Variants in FER1L6 observed in about 807,000 individuals in gnomAD.
FER1L6 encodes fer-1-like protein 6.
FER1L6 carries 177 observed loss-of-function variants against 219.2 expected under a neutral mutation model. That is an observed-to-expected ratio of 0.81 (90% CI 0.71 to 0.91). FER1L6 has a LOEUF of 0.91. FER1L6 is among the 40% of genes least tolerant of loss of function. The probability of loss-of-function intolerance (pLI) is 0.00; values close to 1 mark genes in which losing one functional copy is unlikely to be tolerated. For missense variants in FER1L6, 2,153 were observed against 2,259.9 expected (o/e 0.95, Z 0.96); for synonymous variants, 768 against 824.3 (o/e 0.93, Z 1.17).
chr8:123,993,941 G>A (rs566418861), intron 12 of FER1L6, among the ~76,000 whole-genome samples: 2 of 152,312 alleles, frequency 1.3e-5, no homozygotes, highest in South Asian at 4.1e-4. Flanking sequence ...TCAAATGCCG[G>A]TTGTAGTAGT....
chr8:124,059,617 A>G (rs888909470), intron 22 of FER1L6, among the ~76,000 whole-genome samples: 5 of 152,174 alleles, frequency 3.3e-5, no homozygotes, highest in African/African-American at 1.2e-4. Flanking sequence ...CCCCAAGTGC[A>G]CAAGAAGAGA....
At chr8:124,006,421 T>A (rs1465195986) in intron 13 of FER1L6, among the ~76,000 whole-genome samples, 1 of 152,198 alleles carries the variant, frequency 6.6e-6, no homozygotes, top group Non-Finnish European at 1.5e-5. Flanking sequence ...ATTGAGGCTC[T>A]GTCTATATAG....
At chr8:123,950,411 G>A (rs1193810542) in intron 1 of FER1L6, among the ~76,000 whole-genome samples, 2 of 152,122 alleles carry the variant, frequency 1.3e-5, no homozygotes, top group African/African-American at 4.8e-5. Flanking sequence ...CATTTTCCTG[G>A]GGCAGTCCTA....
chr8:123,988,685 A>G (rs181846887), intron 12 of FER1L6, among the ~76,000 whole-genome samples: 9 of 152,326 alleles, frequency 5.9e-5, no homozygotes, highest in Admixed American at 5.9e-4. Context: ...GCATCCTGCA[A>G]CTTTACTGAA....
intron 1 of FER1L6, among the ~76,000 whole-genome samples, chr8:123,953,385 C>T (rs527993558): frequency 4.6e-5 from 7 of 152,242 alleles, no homozygotes; most frequent in South Asian, 4.1e-4. Context: ...CTGGGTCTGC[C>T]GTAGAGTAAT....
intron 1 of FER1L6, among the ~76,000 whole-genome samples, chr8:123,946,918 G>A (rs909339860): frequency 6.6e-5 from 10 of 152,118 alleles, no homozygotes; most frequent in Admixed American, 5.9e-4. Flanking sequence ...CTAGGGCCTA[G>A]TGCAGTGCTT....
rs1386576176 is a variant in FER1L6, at chr8:124,045,840, T to C, written c.2663T>C (p.Val888Ala). The change falls in exon 21 of 41, where the codon GTG (valine) becomes GCG (alanine). Residue 888 changes from valine (V) to alanine (A), a missense_variant. Val to Ala is a moderately conservative substitution (Grantham distance 64, BLOSUM62 0). Coordinates refer to ENST00000522917, the MANE Select transcript of FER1L6 (RefSeq NM_001039112.2). ...AATGATTTGGTGCTGCATGGAGATG[T>C]GAAGGAGCTGGCAGAGTCCCCGCCC... ...LFNDLVLHGD[V>A]KELAESPPLV... 11 of 1,613,984 alleles carry C rather than the reference T, an allele frequency of 6.8e-6. No individual in the cohort carries two copies. Among genetic ancestry groups the C allele is most frequent in the Non-Finnish European group, 8.5e-6 (10 of 1,180,006 alleles).
At chr8:124,051,398 T>A (rs908534476) in intron 22 of FER1L6, among the ~76,000 whole-genome samples, 3 of 152,222 alleles carry the variant, frequency 2.0e-5, no homozygotes, top group Admixed American at 6.5e-5. Context: ...AAATCTCTGA[T>A]ACAGGCCCCT....
chr8:123,999,334 T>C (rs1408595132), intron 12 of FER1L6, among the ~76,000 whole-genome samples: 2 of 152,162 alleles, frequency 1.3e-5, no homozygotes, highest in Non-Finnish European at 2.9e-5. Flanking sequence ...TCCCTTCTGT[T>C]CCAAGGTGTG....
chr8:124,012,350 TCTTA>T (rs1173727625), intron 14 of FER1L6, among the ~76,000 whole-genome samples: 1 of 152,250 alleles, frequency 6.6e-6, no homozygotes, highest in African/African-American at 2.4e-5. Flanking sequence ...GTTGAGCTGG[TCTTA>T]CTTCTCTTCA....
chr8:124,060,422 A>G, intron 23 of FER1L6, 126 bp from the exon 24 acceptor site: 1 of 1,437,404 alleles, frequency 7.0e-7, no homozygotes, highest in African/African-American at 1.4e-5. Context: ...AAAGCTGTGC[A>G]GTTCTTTCCT....
intron 1 of FER1L6, among the ~76,000 whole-genome samples, chr8:123,884,439 G>A (rs1376704558): frequency 6.6e-6 from 1 of 152,194 alleles, no homozygotes; most frequent in African/African-American, 2.4e-5. Context: ...CTTGGCTGGG[G>A]AGGTGCCTGG....
intron 22 of FER1L6, among the ~76,000 whole-genome samples, chr8:124,051,966 T>C (rs1263215553): frequency 6.6e-6 from 1 of 152,102 alleles, no homozygotes; most frequent in Non-Finnish European, 1.5e-5. Flanking sequence ...TGAGAGTTCT[T>C]GGGGGAATGG....
At chr8:124,115,572 T>A (rs765587183) in intron 39 of FER1L6, among the ~76,000 whole-genome samples, 2 of 152,208 alleles carry the variant, frequency 1.3e-5, no homozygotes, top group Non-Finnish European at 2.9e-5. Context: ...CCTGTGGGAC[T>A]TTTCTGGTAC....
At chr8:123,890,695 T>G (rs1345902470) in intron 1 of FER1L6, among the ~76,000 whole-genome samples, 2 of 142,008 alleles carry the variant, frequency 1.4e-5, no homozygotes, top group Non-Finnish European at 3.1e-5. Flanking sequence ...GTTTCCTGGT[T>G]AAACAACAAC....
chr8:123,889,037 T>G (rs982362271), intron 1 of FER1L6, among the ~76,000 whole-genome samples: 1 of 152,172 alleles, frequency 6.6e-6, no homozygotes, highest in Non-Finnish European at 1.5e-5. Context: ...TTTGTATGGG[T>G]TTTACGTTTG....
chr8:123,867,505 T>C lies in FER1L6; in HGVS notation c.-8+15320T>C, dbSNP rs758823137. 2.0e-5 allele frequency among the ~76,000 whole-genome samples: 3 copies of C among 152,198 alleles called. No individual in the cohort carries two copies. The South Asian group carries it at 6.2e-4, about 32-fold the overall frequency. The stretch of plus-strand genomic sequence containing the variant: ...AGTAAGAATGCTGGTTCTGGGGGGT[T>C]GAAATTCTGACTCTAGTACATTATA... On this transcript the variant is annotated intron_variant, in intron 1 of 40. Transcript: ENST00000522917.
chr8:123,948,501 A>T (rs568492867), intron 1 of FER1L6, among the ~76,000 whole-genome samples: 1 of 152,272 alleles, frequency 6.6e-6, no homozygotes, highest in South Asian at 2.1e-4. Flanking sequence ...TCATTCATTC[A>T]TCTTATTTTG....
intron 22 of FER1L6, among the ~76,000 whole-genome samples, chr8:124,052,580 G>A (rs1177419031): frequency 6.6e-6 from 1 of 152,144 alleles, no homozygotes; most frequent in Non-Finnish European, 1.5e-5. Context: ...GAAGTCAGGA[G>A]TTGGAGACAG....
Sources: gnomAD v4.1 joint callset for allele counts (sites outside exome capture counted in the v4.1 genomes callset) on GRCh38, gnomAD v4.1.1 for gene constraint, MANE v1.5 for transcripts, NCBI Gene and HGNC (gene_info 2026-07-23, HGNC 2026-07-21) for gene names.